The following GALNT9 variants were observed in gnomAD, a reference collection of about 807,000 sequenced individuals.
The protein encoded by GALNT9 is GalNAc transferase 9.
A neutral mutation model predicts 63.1 loss-of-function variants in GALNT9; 47 were observed. The ratio of observed to expected loss-of-function variants is 0.75; its 90% confidence interval spans 0.59 to 0.95. The LOEUF (loss-of-function observed/expected upper bound fraction) is 0.95. Ranked by LOEUF, GALNT9 falls within the 40% of genes least tolerant of loss-of-function variation. The pLI is 0.00. For missense variants in GALNT9, 829 were observed against 874.8 expected, an observed-to-expected ratio of 0.95 and a Z score of 0.66; for synonymous variants, 396 against 365.7, an observed-to-expected ratio of 1.08 and a Z score of -0.94.
At chr12:132,301,088 T>G (rs951932989) in intron 1 of GALNT9, among the ~76,000 whole-genome samples, 1 of 152,252 alleles carries the variant, frequency 6.6e-6, no homozygotes, top group South Asian at 2.1e-4. Flanking sequence ...CACCCCCATG[T>G]AACTGATGAG....
chr12:132,317,591 C>T (rs944719437), intron 1 of GALNT9, among the ~76,000 whole-genome samples: 2 of 152,364 alleles, frequency 1.3e-5, no homozygotes, highest in African/African-American at 4.8e-5. Context: ...TATCCATAAA[C>T]GTGTAAATAC....
chr12:132,269,440 G>A (rs972400256), intron 2 of GALNT9, among the ~76,000 whole-genome samples: 6 of 152,136 alleles, frequency 3.9e-5, no homozygotes, highest in African/African-American at 7.2e-5. Flanking sequence ...CGGGAGCCAC[G>A]GAGTCCCATT....
intron 8 of GALNT9, among the ~76,000 whole-genome samples, chr12:132,199,619 C>T (rs113559481): frequency 0.013 from 2,028 of 152,224 alleles, 46 homozygotes; most frequent in African/African-American, 0.045. Context: ...AGAGACCGCT[C>T]GCCAGCCTTG....
chr12:132,228,099 C>T (rs982226354), intron 6 of GALNT9, among the ~76,000 whole-genome samples: 16 of 151,880 alleles, frequency 1.1e-4, no homozygotes, highest in African/African-American at 1.7e-4. Flanking sequence ...GCAGGGGTGG[C>T]GGGGGGGCAC....
chr12:132,290,964 A>G (rs1405433119), intron 1 of GALNT9, among the ~76,000 whole-genome samples: 12 of 44,340 alleles, frequency 2.7e-4, no homozygotes, highest in South Asian at 1.3e-3. Flanking sequence ...CAGCGCCCAC[A>G]TCCACAGCAC....
intron 1 of GALNT9, among the ~76,000 whole-genome samples, chr12:132,303,566 G>GC (rs1881411404): frequency 4.5e-5 from 1 of 22,200 alleles, no homozygotes; most frequent in Admixed American, 6.0e-4. Context: ...CCCAGACACA[G>GC]CCTCGCCCGG....
intron 2 of GALNT9, among the ~76,000 whole-genome samples, chr12:132,267,167 C>T (rs957831362): frequency 1.3e-5 from 2 of 151,922 alleles, no homozygotes; most frequent in Non-Finnish European, 2.9e-5. Context: ...AGAGCTTGAG[C>T]AGCCGAGAGG....
At chr12:132,317,078 C>T (rs1389242455) in intron 1 of GALNT9, among the ~76,000 whole-genome samples, 14 of 147,670 alleles carry the variant, frequency 9.5e-5, no homozygotes, top group Non-Finnish European at 1.5e-4. Flanking sequence ...CTATGGAGCA[C>T]GGTCCCATCC....
At chr12:132,201,793 C>T (rs1011572263) in intron 7 of GALNT9, among the ~76,000 whole-genome samples, 5 of 152,220 alleles carry the variant, frequency 3.3e-5, no homozygotes, top group Non-Finnish European at 5.9e-5. Flanking sequence ...CCTGGCCTTT[C>T]CTGGTCCCTG....
rs1391876641 is a variant in GALNT9 at position 132,245,261 on chromosome 12, G to A, written c.1077+2649C>T. 6.6e-6 allele frequency among the ~76,000 whole-genome samples: 1 copy of A among 152,080 alleles called. No individual in the cohort carries two copies. Among genetic ancestry groups the A allele is most frequent in the African/African-American group, 2.4e-5 (1 of 41,392 alleles). On this transcript the variant is annotated intron_variant, in intron 6 of 10. Transcript: ENST00000328957. The surrounding 1 kb of genome is among the most constrained non-coding windows in gnomAD (Gnocchi z 6.3). ...GTTTGAGACTAGCCTGATCAACATG[G>A]TGAAACCTCGTCTCTACTAAAAGTA...
chr12:132,321,692 A>G (rs1013945422), intron 1 of GALNT9, among the ~76,000 whole-genome samples: 3 of 151,800 alleles, frequency 2.0e-5, no homozygotes, highest in Non-Finnish European at 4.4e-5. Flanking sequence ...CTCATTCACA[A>G]TTCAGAGAGT....
At chr12:132,312,176 G>T (rs782233964) in intron 1 of GALNT9, among the ~76,000 whole-genome samples, 34 of 152,180 alleles carry the variant, frequency 2.2e-4, no homozygotes, top group Non-Finnish European at 7.3e-5. Flanking sequence ...GCAGGACATG[G>T]CAATACCTGT....
chr12:132,313,318 AATCC>A (rs1257585912), intron 1 of GALNT9, among the ~76,000 whole-genome samples: 1 of 69,326 alleles, frequency 1.4e-5, no homozygotes. Flanking sequence ...TTCACACACC[AATCC>A]ATCCACCCAT....
At chr12:132,284,085 G>GCA (rs558085410) in intron 2 of GALNT9, 1 of 150,746 alleles carries the variant, frequency 6.6e-6, no homozygotes, top group Non-Finnish European at 1.5e-5. Context: ...GTGCACACAT[G>GCA]CACACACACG....
intron 6 of GALNT9, among the ~76,000 whole-genome samples, chr12:132,226,464 CCA>C (rs1469044593): frequency 1.0e-4 from 15 of 149,036 alleles, no homozygotes; most frequent in African/African-American, 2.7e-4. Context: ...TACACCCACC[CCA>C]CACACTGTAC....
intron 6 of GALNT9, among the ~76,000 whole-genome samples, chr12:132,222,943 A>ATC (rs1877518360): frequency 1.4e-3 from 65 of 47,102 alleles, no homozygotes; most frequent in South Asian, 3.5e-3. Context: ...CCCCACACAC[A>ATC]CCACACAACT....
chr12:132,225,998 CACACACCCCACATTGT>C (rs1445960392), intron 6 of GALNT9, among the ~76,000 whole-genome samples: 1 of 148,432 alleles, frequency 6.7e-6, no homozygotes, highest in Non-Finnish European at 1.5e-5. Context: ...ACATACACCC[CACACACCCCACATTGT>C]ACACACCCCA....
In GALNT9 at chr12:132,236,364, C is replaced by T. The variant is rs1433380581; in HGVS notation, c.1077+11546G>A. ...CATCCAGTGTGGGGGCTGCGGGCTC[C>T]AGGCCTGGTGTCTCTGGAGGGGGCC... On this transcript the variant is annotated intron_variant, in intron 6 of 10. Coordinates refer to ENST00000328957, the MANE Select transcript of GALNT9 (RefSeq NM_001122636.2). The surrounding 1 kb of genome is among the most constrained non-coding windows in gnomAD (Gnocchi z 5.6). Among the ~76,000 whole-genome samples the T allele has an allele frequency of 6.6e-6, 1 of 152,084 alleles. No homozygotes were observed. The highest frequency in any genetic ancestry group is 1.5e-5 in the Non-Finnish European group (1 of 68,002).
In GALNT9 at chr12:132,299,636, C is replaced by A. The variant is rs1881216512; in HGVS notation, c.239-13206G>T. On this transcript the variant is annotated intron_variant, in intron 1 of 10. Transcript: ENST00000328957. ...CCATCCCTGAGATGACCAACCCATT[C>A]CTGAGATAACTCACTCCCATAACTA... is the stretch of plus-strand genomic sequence containing the variant. 2.2e-5 allele frequency among the ~76,000 whole-genome samples: 3 copies of A among 135,686 alleles called. 1 individual carries two copies. The highest frequency in any genetic ancestry group is 4.8e-5 in the Non-Finnish European group (3 of 62,732). 89.0% of individuals were successfully genotyped at this position (135,686 alleles called of 152,430 possible). A position where few individuals can be genotyped will look rare whatever the true frequency, so the allele number is the denominator to read the frequency against.
Sources: allele counts gnomAD v4.1 joint callset (sites outside exome capture counted in the v4.1 genomes callset), GRCh38; gene constraint gnomAD v4.1.1; non-coding constraint Gnocchi (gnomAD v3.1); transcripts MANE v1.5; gene names NCBI Gene and HGNC (gene_info 2026-07-23, HGNC 2026-07-21).